The following EXO5 variants were observed in gnomAD, a reference collection of about 807,000 sequenced individuals.
The protein encoded by EXO5 is exonuclease 5, also known as exonuclease V.
EXO5 carries 11 observed loss-of-function variants against 17.8 expected under a neutral mutation model. That is an observed-to-expected ratio of 0.62 (90% confidence interval 0.39 to 1.02). The LOEUF is 1.02. EXO5 is among the 50% of genes least tolerant of loss of function. EXO5 has a pLI of 0.00. For missense variants in EXO5, 364 were observed against 434.8 expected, an observed-to-expected ratio of 0.84 and a Z score of 1.45; for synonymous variants, 147 against 166.5, an observed-to-expected ratio of 0.88 and a Z score of 0.90.
At position 40,515,726 on chromosome 1, in the gene EXO5, G is replaced by T; in HGVS notation, c.*60G>T. 6.5e-7 allele frequency: 1 copy of T among 1,527,378 alleles called. No homozygotes were observed. Among genetic ancestry groups the T allele is most frequent in the East Asian group, 2.3e-5 (1 of 44,318 alleles). 94.6% of individuals were successfully genotyped at this position (1,527,378 alleles called of 1,614,324 possible). On this transcript the variant is annotated 3_prime_UTR_variant, in exon 4 of 4. Transcript: ENST00000415550. ...CTGCTCCTGTTGTACCTAAGCAAAAGAGGACCAGTCTCTGAGCTTGGCTTT... is the reference window on the plus strand; with the variant it reads ...CTGCTCCTGTTGTACCTAAGCAAAATAGGACCAGTCTCTGAGCTTGGCTTT...
At chr1:40,510,589 A>C (rs1215189771) in intron 3 of EXO5, among the ~76,000 whole-genome samples, 1 of 152,228 alleles carries the variant, frequency 6.6e-6, no homozygotes, top group Non-Finnish European at 1.5e-5. Context: ...AACTCCATAC[A>C]TTTCAGGAGC....
At position 40,515,519 on chromosome 1, in the gene EXO5, C is replaced by T. The variant is rs757732929; in HGVS notation, c.975C>T (p.Tyr325=). ...VRAKVQHYMA[Y]WMGHREPQGV... ...CCAAGGTGCAGCATTATATGGCCTACTGGATGGGCCACCGAGAGCCCCAGG... is the reference window on the plus strand; with the variant it reads ...CCAAGGTGCAGCATTATATGGCCTATTGGATGGGCCACCGAGAGCCCCAGG... The change falls in exon 4 of 4, where the codon TAC becomes TAT. Residue 325 remains tyrosine (Y), a synonymous_variant. Coordinates refer to ENST00000415550, the MANE Select transcript of EXO5 (RefSeq NM_001346953.2). 1.9e-6 allele frequency: 3 copies of T among 1,609,780 alleles called. No individual in the cohort carries two copies. The South Asian group carries it at 3.3e-5, about 18-fold the overall frequency.
At chr1:40,511,071 T>C (rs1297742041) in intron 3 of EXO5, among the ~76,000 whole-genome samples, 1 of 151,898 alleles carries the variant, frequency 6.6e-6, no homozygotes, top group African/African-American at 2.4e-5. Flanking sequence ...CCGTCTCTAC[T>C]AAAAAATACA....
At chr1:40,512,792 A>G (rs1007284384) in intron 3 of EXO5, among the ~76,000 whole-genome samples, 1 of 152,036 alleles carries the variant, frequency 6.6e-6, no homozygotes, top group Admixed American at 6.6e-5. Context: ...TAGTTTCACC[A>G]TGAGGTGTAT....
At chr1:40,512,897 T>G (rs2124487112) in intron 3 of EXO5, among the ~76,000 whole-genome samples, 1 of 152,334 alleles carries the variant, frequency 6.6e-6, no homozygotes, top group South Asian at 2.1e-4. Context: ...ATTACAGGCT[T>G]TAGCCACTGT....
intron 1 of EXO5, 194 bp from the exon 2 acceptor site, chr1:40,509,257 A>G (rs1420777819): frequency 2.0e-5 from 3 of 152,418 alleles, no homozygotes; most frequent in African/African-American, 7.2e-5. Context: ...CGGAGCCCAC[A>G]AGTCCGGGCC....
chr1:40,511,606 G>T (rs1379051615), intron 3 of EXO5, among the ~76,000 whole-genome samples: 21 of 152,144 alleles, frequency 1.4e-4, no homozygotes, highest in Non-Finnish European at 7.3e-5. Flanking sequence ...CGTTTTCAGG[G>T]CATCACTTCT....
Position 40,514,599 on chromosome 1 carries a change from G to C in EXO5, c.55G>C (p.Asp19His), listed in dbSNP as rs368964061. 10 of 1,614,038 alleles carry C rather than the reference G, an allele frequency of 6.2e-6. No homozygotes were observed. In the African/African-American group the frequency reaches 1.2e-4, roughly 19 times the overall value. The change falls in exon 4 of 4, where the codon GAC (aspartate) becomes CAC (histidine). Residue 19 changes from aspartate to histidine, a missense_variant. Coordinates refer to ENST00000415550, the MANE Select transcript of EXO5 (RefSeq NM_001346953.2). The part of the protein sequence containing the change: ...TVSAEASGFS[D>H]LSDSEFLEFL... ...GTCAGCAGAAGCCTCAGGGTTCTCA[G>C]ACTTGAGTGACTCAGAGTTCCTGGA...
In EXO5 at chr1:40,515,592, G is replaced by T; in HGVS notation, c.1048G>T (p.Asp350Tyr). ...GAAGTGCCGGACGTGTACCTATGCAGACATTTGTGAGTGGAGAAAGGGCAG... is the reference window on the plus strand; with the variant it reads ...GAAGTGCCGGACGTGTACCTATGCATACATTTGTGAGTGGAGAAAGGGCAG... ...AWKCRTCTYADICEWRKGSGV... is the reference protein window; with the variant it reads ...AWKCRTCTYAYICEWRKGSGV... Residue 350 changes from aspartate (D) to tyrosine (Y), a missense_variant, in exon 4 of 4, where the codon GAC becomes TAC. Coordinates refer to ENST00000415550, the MANE Select transcript of EXO5 (RefSeq NM_001346953.2). 1 of 1,613,590 alleles carries T rather than the reference G, an allele frequency of 6.2e-7. No individual in the cohort carries two copies. The highest frequency in any genetic ancestry group is 8.5e-7 in the Non-Finnish European group (1 of 1,179,960).
chr1:40,515,706 C>T lies in EXO5; in HGVS notation c.*40C>T, dbSNP rs1244400620. On this transcript the variant is annotated 3_prime_UTR_variant, in exon 4 of 4. Transcript: ENST00000415550. ...TTCAAGAATGTTGATCCTTCCTGCT[C>T]CTGTTGTACCTAAGCAAAAGAGGAC... 2 of 1,563,348 alleles carry T rather than the reference C, an allele frequency of 1.3e-6. No homozygotes were observed. Among genetic ancestry groups the T allele is most frequent in the Non-Finnish European group, 1.7e-6 (2 of 1,155,890 alleles).
rs746864844 is a variant in EXO5, at chr1:40,514,844, G to A, written c.300G>A (p.Lys100=). The A allele has an allele frequency of 6.2e-7, 1 of 1,614,212 alleles. No individual in the cohort carries two copies. Among genetic ancestry groups the A allele is most frequent in the Non-Finnish European group, 8.5e-7 (1 of 1,180,040 alleles). The part of the protein sequence containing the change: ...NWCELQTAYG[K]ELPGFLAPEK... The stretch of plus-strand genomic sequence containing the variant: ...GTGAACTGCAAACAGCATATGGGAA[G>A]GAGCTTCCTGGTTTCTTGGCACCTG... The change falls in exon 4 of 4, where the codon AAG becomes AAA. Residue 100 remains lysine (K), a synonymous_variant. Coordinates refer to ENST00000415550, the MANE Select transcript of EXO5 (RefSeq NM_001346953.2).
intron 1 of EXO5, 175 bp downstream of exon 1, chr1:40,509,083 C>G (rs1645720393): frequency 6.6e-6 from 1 of 152,308 alleles, no homozygotes; most frequent in Non-Finnish European, 1.5e-5. Context: ...GAACACAGTG[C>G]TGTTGGCCGG....
rs1480140657 is a variant in EXO5 at position 40,508,904 on chromosome 1, C to T, written c.-268C>T. 2 of 152,322 alleles carry T rather than the reference C, an allele frequency of 1.3e-5. No individual in the cohort carries two copies. The highest frequency in any genetic ancestry group is 4.8e-5 in the African/African-American group (2 of 41,454). The allele number at this position is 152,322 out of a possible 1,614,324, so 9.4% of individuals were successfully genotyped here. A position where few individuals can be genotyped will look rare whatever the true frequency, so the allele number is the denominator to read the frequency against. Reference sequence around the variant, plus strand: ...TGGAGTCCGAGGTTCGGAGGAGTATCAGAGGTTAGGGGAAGGCCGGAGAAT... The same window carrying T: ...TGGAGTCCGAGGTTCGGAGGAGTATTAGAGGTTAGGGGAAGGCCGGAGAAT... On this transcript the variant is annotated 5_prime_UTR_variant, in exon 1 of 4. Coordinates refer to ENST00000415550, the MANE Select transcript of EXO5 (RefSeq NM_001346953.2). This position sits in a 1 kb window ranked among gnomAD's most constrained non-coding sequence, Gnocchi z 4.2.
chr1:40,513,295 T>C lies in EXO5; in HGVS notation c.-30-1220T>C, dbSNP rs189722453. 1.9e-3 allele frequency among the ~76,000 whole-genome samples: 295 copies of C among 152,318 alleles called. 1 individual carries two copies. The highest frequency in any genetic ancestry group is 2.9e-3 in the Non-Finnish European group (196 of 68,018). On this transcript the variant is annotated intron_variant, in intron 3 of 3. Coordinates refer to ENST00000415550, the MANE Select transcript of EXO5 (RefSeq NM_001346953.2). ...ATGCATTAATTTGTGTTAGACTATATTTATTTGTATCTATATATAGTTGAT... is the reference window on the plus strand; with the variant it reads ...ATGCATTAATTTGTGTTAGACTATACTTATTTGTATCTATATATAGTTGAT...
At position 40,514,551 on chromosome 1, in the gene EXO5, G is replaced by A. The variant is rs1297114153; in HGVS notation, c.7G>A (p.Glu3Lys). The change falls in exon 4 of 4, where the codon GAG becomes AAG. Residue 3 changes from glutamate to lysine, a missense_variant. Coordinates refer to ENST00000415550, the MANE Select transcript of EXO5 (RefSeq NM_001346953.2). The part of the protein sequence containing the change: MA[E>K]TREEETVSAE... ...CCCAATCCAGAGCTGTACCATGGCA[G>A]AGACAAGAGAAGAGGAGACAGTGTC... The A allele has an allele frequency of 6.2e-7, 1 of 1,612,410 alleles. No homozygotes were observed. The highest frequency in any genetic ancestry group is 8.5e-7 in the Non-Finnish European group (1 of 1,179,440).
In EXO5 at chr1:40,515,154, A is replaced by G. The variant is rs41268067; in HGVS notation, c.610A>G (p.Met204Val). 0.01 allele frequency: 16,899 copies of G among 1,614,058 alleles called. 116 individuals are homozygous for G. Among genetic ancestry groups the G allele is most frequent in the Non-Finnish European group, 0.012 (14,031 of 1,180,012 alleles). The change falls in exon 4 of 4, where the codon ATG (methionine) becomes GTG (valine). Residue 204 changes from methionine to valine, a missense_variant. By Grantham distance (21) the Met-to-Val change is conservative (BLOSUM62 1). Coordinates refer to ENST00000415550, the MANE Select transcript of EXO5 (RefSeq NM_001346953.2). ...LAELKTRRRP[M>V]LPLEAQKKKD... ...GGAACTCAAGACACGCAGGCGCCCT[A>G]TGCTCCCTCTGGAAGCTCAGAAGAA...
Position 40,515,713 on chromosome 1 carries a change from T to C in EXO5, c.*47T>C. The stretch of plus-strand genomic sequence containing the variant: ...ATGTTGATCCTTCCTGCTCCTGTTG[T>C]ACCTAAGCAAAAGAGGACCAGTCTC... On this transcript the variant is annotated 3_prime_UTR_variant, in exon 4 of 4. Coordinates refer to ENST00000415550, the MANE Select transcript of EXO5 (RefSeq NM_001346953.2). The C allele has an allele frequency of 6.4e-7, 1 of 1,554,204 alleles. No homozygotes were observed. The highest frequency in any genetic ancestry group is 8.7e-7 in the Non-Finnish European group (1 of 1,151,570).
intron 3 of EXO5, among the ~76,000 whole-genome samples, chr1:40,513,863 A>G (rs1197113930): frequency 6.6e-6 from 1 of 151,976 alleles, no homozygotes; most frequent in Admixed American, 6.6e-5. Context: ...TGCTGCGATT[A>G]CAGGTGTGAG....
chr1:40,514,612 C>CA lies in EXO5; in HGVS notation c.69dup (p.Glu24ArgfsTer19). 2 of 1,614,146 alleles carry CA rather than the reference C, an allele frequency of 1.2e-6. No individual in the cohort carries two copies. Among genetic ancestry groups the CA allele is most frequent in the Non-Finnish European group, 1.7e-6 (2 of 1,180,010 alleles). ...TCAGGGTTCTCAGACTTGAGTGACT[C>CA]AGAGTTCCTGGAGTTTCTGGACCTA... is the stretch of plus-strand genomic sequence containing the variant. On this transcript the variant is annotated frameshift_variant, in exon 4 of 4. Coordinates refer to ENST00000415550, the MANE Select transcript of EXO5 (RefSeq NM_001346953.2). LOFTEE classifies it high-confidence loss of function.
Sources: allele counts gnomAD v4.1 joint callset (sites outside exome capture counted in the v4.1 genomes callset), GRCh38; gene constraint gnomAD v4.1.1; non-coding constraint Gnocchi (gnomAD v3.1); transcripts MANE v1.5; gene names NCBI Gene and HGNC (gene_info 2026-07-23, HGNC 2026-07-21).